DCAF8: variants seen among roughly 807,000 people sequenced by gnomAD.
DCAF8 encodes the protein DDB1- and CUL4-associated factor 8.
Under a neutral mutation model 68.0 loss-of-function variants are expected in DCAF8, and 20 were observed. The ratio of observed to expected loss-of-function variants is 0.29; its 90% CI spans 0.21 to 0.43. The LOEUF (loss-of-function observed/expected upper bound fraction) is 0.43. DCAF8 is among the 20% of genes least tolerant of loss of function. The pLI is 1.00. For synonymous variants in DCAF8, 230 were observed against 276.9 expected, an observed-to-expected ratio of 0.83 and a Z score of 1.68; for missense variants, 460 against 771.0, an observed-to-expected ratio of 0.60 and a Z score of 4.78.
intron 2 of DCAF8, among the ~76,000 whole-genome samples, chr1:160,248,502 G>A (rs1434219397): frequency 2.0e-5 from 3 of 152,094 alleles, no homozygotes; most frequent in African/African-American, 7.2e-5. Flanking sequence ...TTGGGAGGCC[G>A]AGGTGGGCAG....
rs1352199783 is a variant in DCAF8, at chr1:160,262,466, A to ACCACCACCGCCT, written c.-130_-119dup. ...CATCTTACACTGGCCAGCGGCCGCCACCACCACCGCCTCCGCTCTCTGCGC... is the reference window on the plus strand; with the variant it reads ...CATCTTACACTGGCCAGCGGCCGCCACCACCACCGCCTCCACCACCGCCTCCGCTCTCTGCGC... On this transcript the variant is annotated 5_prime_UTR_variant, in exon 1 of 14. Transcript: ENST00000368074. 2.5e-6 allele frequency: 1 copy of ACCACCACCGCCT among 401,174 alleles called. No homozygotes were observed. The highest frequency in any genetic ancestry group is 3.5e-5 in the East Asian group (1 of 28,186). The allele number at this position is 401,174 out of a possible 1,614,324, so 24.9% of individuals were successfully genotyped here.
rs186345313 is a variant in DCAF8 at position 160,245,098 on chromosome 1, A to G, written c.-26-1064T>C. On this transcript the variant is annotated intron_variant, in intron 2 of 13. Transcript: ENST00000368074. ...GGCAACATTTCCATTAAACCATCTC[A>G]TCCCATTTCATATAATGGCAAACAC... Among the ~76,000 whole-genome samples, 3 of 152,276 alleles carry G rather than the reference A, an allele frequency of 2.0e-5. No individual in the cohort carries two copies. The East Asian group carries it at 5.8e-4, about 29-fold the overall frequency.
At chr1:160,224,190 AAC>A (rs1296949723) in intron 10 of DCAF8, among the ~76,000 whole-genome samples, 4 of 152,228 alleles carry the variant, frequency 2.6e-5, no homozygotes, top group Admixed American at 6.5e-5. Context: ...AAATCTTAAA[AAC>A]AGTTAGTCTA....
intron 2 of DCAF8, among the ~76,000 whole-genome samples, chr1:160,251,250 G>A (rs1051163686): frequency 4.6e-5 from 7 of 152,190 alleles, no homozygotes; most frequent in African/African-American, 1.7e-4. Flanking sequence ...TAAATGAGCA[G>A]CTGTTCAGGG....
Position 160,237,232 on chromosome 1 carries a change from G to A in DCAF8, c.865-3C>T. 1 of 1,555,388 alleles carries A rather than the reference G, an allele frequency of 6.4e-7. No individual in the cohort carries two copies. Among genetic ancestry groups the A allele is most frequent in the East Asian group, 2.3e-5 (1 of 43,116 alleles). On this transcript the variant is annotated splice_region_variant and splice_polypyrimidine_tract_variant and intron_variant, in intron 5 of 13. Transcript: ENST00000368074. Reference sequence around the variant, plus strand: ...GGAGAGTCTGGTTCCAGTGCCAACTGAAGAAGAAAAAGGAAAAACATGAGG... The same window carrying A: ...GGAGAGTCTGGTTCCAGTGCCAACTAAAGAAGAAAAAGGAAAAACATGAGG...
At chr1:160,222,827 G>A in intron 10 of DCAF8, 46 bp from the exon 11 acceptor site, 5 of 1,610,598 alleles carry the variant, frequency 3.1e-6, no homozygotes, top group Non-Finnish European at 4.2e-6. Flanking sequence ...GTTGGCATCA[G>A]GCCTATATAC....
intron 6 of DCAF8, among the ~76,000 whole-genome samples, chr1:160,234,515 C>T (rs1232784808): frequency 6.6e-6 from 1 of 152,186 alleles, no homozygotes; most frequent in African/African-American, 2.4e-5. Context: ...AATAATCTGC[C>T]AAAGTCATTC....
At chr1:160,239,254 C>CA in intron 4 of DCAF8, 1 of 1,107,086 alleles carries the variant, frequency 9.0e-7, no homozygotes. Context: ...AAGTACCAGT[C>CA]ACAGTTCTAA....
chr1:160,218,577 C>T lies in DCAF8; in HGVS notation c.1561-137G>A, dbSNP rs977250262. 27 of 801,482 alleles carry T rather than the reference C, an allele frequency of 3.4e-5. 1 individual carries two copies. The Middle Eastern group carries it at 1.1e-3, about 33-fold the overall frequency. 49.6% of individuals were successfully genotyped at this position (801,482 alleles called of 1,614,324 possible). Reference sequence around the variant, plus strand: ...GCTACATTAGATTAGGAAATGATGCCCTAGGTTCAGCTGCTGAAAAGGTAG... The same window carrying T: ...GCTACATTAGATTAGGAAATGATGCTCTAGGTTCAGCTGCTGAAAAGGTAG... On this transcript the variant is annotated intron_variant, in intron 12 of 13. Coordinates refer to ENST00000368074, the MANE Select transcript of DCAF8 (RefSeq NM_015726.4).
chr1:160,239,292 C>T (rs1656008656), intron 4 of DCAF8: 2 of 1,115,304 alleles, frequency 1.8e-6, no homozygotes, highest in African/African-American at 1.6e-5. Context: ...TTACTTAATC[C>T]TCATAACCCT....
intron 2 of DCAF8, among the ~76,000 whole-genome samples, chr1:160,259,479 G>A (rs1656975892): frequency 6.6e-6 from 1 of 152,122 alleles, no homozygotes; most frequent in Non-Finnish European, 1.5e-5. Context: ...GTTGCAGTGG[G>A]CTGAGATCGC....
chr1:160,219,993 T>G (rs1038811455), intron 11 of DCAF8: 1 of 152,260 alleles, frequency 6.6e-6, no homozygotes, highest in Non-Finnish European at 1.5e-5. Context: ...CTGCCTCACC[T>G]GCACAGGCAG....
At chr1:160,231,231 C>A in intron 7 of DCAF8, 66 bp downstream of exon 7, 1 of 1,070,082 alleles carries the variant, frequency 9.3e-7, no homozygotes, top group South Asian at 1.4e-5. Context: ...CATAAAGGAG[C>A]ACCTGGTAGT....
At chr1:160,238,945 T>C in intron 4 of DCAF8, 198 bp from the exon 5 acceptor site, 1 of 687,598 alleles carries the variant, frequency 1.5e-6, no homozygotes, top group Non-Finnish European at 2.2e-6. Context: ...AAAACTTCCT[T>C]TGATGTAAGA....
intron 3 of DCAF8, among the ~76,000 whole-genome samples, chr1:160,243,163 G>GAGCT (rs2101747381): frequency 1.3e-5 from 2 of 152,256 alleles, no homozygotes; most frequent in South Asian, 4.1e-4. Context: ...CAGAGGTGAA[G>GAGCT]AGCTGGTTAA....
At chr1:160,227,968 C>T (rs1286890856) in intron 7 of DCAF8, among the ~76,000 whole-genome samples, 1 of 152,126 alleles carries the variant, frequency 6.6e-6, no homozygotes, top group Non-Finnish European at 1.5e-5. Context: ...AATCACAGCT[C>T]ACTGTAGCCT....
intron 5 of DCAF8, among the ~76,000 whole-genome samples, chr1:160,238,024 G>T (rs1655954438): frequency 6.6e-6 from 1 of 152,180 alleles, no homozygotes; most frequent in Admixed American, 6.5e-5. Flanking sequence ...GGCTAGAAAA[G>T]GATACTCCAG....
At chr1:160,224,916 T>C in intron 9 of DCAF8, 146 bp downstream of exon 9, 1 of 753,710 alleles carries the variant, frequency 1.3e-6, no homozygotes. Context: ...TCCCGCTATG[T>C]GCTCACCATC....
intron 11 of DCAF8, 132 bp from the exon 12 acceptor site, chr1:160,219,100 C>T (rs546084559): frequency 1.9e-5 from 24 of 1,292,482 alleles, no homozygotes; most frequent in South Asian, 2.9e-5. Flanking sequence ...GAGGCCCACC[C>T]ATCCTGAGCC....
Sources: allele counts gnomAD v4.1 joint callset (sites outside exome capture counted in the v4.1 genomes callset), GRCh38; gene constraint gnomAD v4.1.1; transcripts MANE v1.5; gene names NCBI Gene and HGNC (gene_info 2026-07-23, HGNC 2026-07-21).